Variants in TMEM245 observed in about 807,000 individuals in gnomAD.
TMEM245 encodes the protein protein CG-2.
TMEM245 carries 69 observed loss-of-function variants against 101.2 expected under a neutral mutation model. The observed-to-expected ratio is 0.68, with a 90% confidence interval of 0.56 to 0.83. The LOEUF is 0.83. TMEM245 is among the 40% of genes least tolerant of loss of function. The pLI, the probability that TMEM245 is intolerant of heterozygous loss-of-function variation, is 0.00. For synonymous variants in TMEM245, 537 were observed against 449.8 expected (o/e 1.19, Z -2.45); for missense variants, 1,075 against 1,092.8 (o/e 0.98, Z 0.23).
intron 16 of TMEM245, among the ~76,000 whole-genome samples, chr9:109,034,581 G>A (rs1189212946): frequency 6.6e-6 from 1 of 151,914 alleles, no homozygotes; most frequent in Non-Finnish European, 1.5e-5. Flanking sequence ...TGAGTAGCTG[G>A]GACTACAGGC....
At chr9:109,078,962 G>A (rs1829595027) in intron 8 of TMEM245, among the ~76,000 whole-genome samples, 1 of 152,114 alleles carries the variant, frequency 6.6e-6, no homozygotes, top group African/African-American at 2.4e-5. Flanking sequence ...CAAAAGCACA[G>A]GCAACAAAGG....
intron 11 of TMEM245, among the ~76,000 whole-genome samples, chr9:109,058,550 A>T (rs2132426578): frequency 6.6e-6 from 1 of 152,252 alleles, no homozygotes; most frequent in South Asian, 2.1e-4. Context: ...CAGGCAACAT[A>T]GTGAGATCCT....
At chr9:109,093,781 T>C (rs932374865) in intron 3 of TMEM245, among the ~76,000 whole-genome samples, 190 bp from the exon 4 acceptor site, 15 of 152,212 alleles carry the variant, frequency 9.9e-5, no homozygotes, top group Admixed American at 9.8e-4. Flanking sequence ...GCAAATCCCT[T>C]GACTCTCTGT....
intron 8 of TMEM245, among the ~76,000 whole-genome samples, chr9:109,075,684 G>T (rs1829477473): frequency 6.6e-6 from 1 of 152,188 alleles, no homozygotes; most frequent in African/African-American, 2.4e-5. Context: ...CGTGACATAT[G>T]CAGAGATGTT....
chr9:109,027,494 G>C (rs1399928612), intron 17 of TMEM245, among the ~76,000 whole-genome samples: 1 of 152,190 alleles, frequency 6.6e-6, no homozygotes, highest in African/African-American at 2.4e-5. Context: ...CTGGCTCCCA[G>C]GAGGCTGGCA....
intron 11 of TMEM245, among the ~76,000 whole-genome samples, chr9:109,058,142 G>C (rs548608594): frequency 6.6e-6 from 1 of 150,424 alleles, no homozygotes; most frequent in Non-Finnish European, 1.5e-5. Flanking sequence ...CTGTGACTAC[G>C]GGCGCCTGCC....
intron 3 of TMEM245, among the ~76,000 whole-genome samples, chr9:109,093,864 A>G (rs770212833): frequency 6.6e-6 from 1 of 152,184 alleles, no homozygotes; most frequent in African/African-American, 2.4e-5. Flanking sequence ...GGAGTCCCAC[A>G]CTTACATTTG....
At chr9:109,119,038 CCT>C (rs1279784081) in intron 1 of TMEM245, among the ~76,000 whole-genome samples, 7 of 152,218 alleles carry the variant, frequency 4.6e-5, no homozygotes, top group Admixed American at 4.6e-4. Flanking sequence ...TGCTCTGAGG[CCT>C]CTCTCTGCAA....
At chr9:109,089,661 T>TG (rs1244132225) in intron 5 of TMEM245, among the ~76,000 whole-genome samples, 2 of 152,188 alleles carry the variant, frequency 1.3e-5, no homozygotes, top group Non-Finnish European at 2.9e-5. Flanking sequence ...GTTTCTACAA[T>TG]GCACCTGTCA....
At chr9:109,053,827 G>A (rs186419858) in intron 12 of TMEM245, among the ~76,000 whole-genome samples, 1 of 152,356 alleles carries the variant, frequency 6.6e-6, no homozygotes, top group Non-Finnish European at 1.5e-5. Flanking sequence ...TTGCAGGAAT[G>A]CAGAGGTCTA....
chr9:109,023,795 C>T (rs2132274884), intron 17 of TMEM245, among the ~76,000 whole-genome samples: 1 of 149,176 alleles, frequency 6.7e-6, no homozygotes, highest in East Asian at 2.0e-4. Context: ...CAGATCGCGC[C>T]ACTGCACTCC....
At chr9:109,084,934 A>C (rs926771639) in intron 7 of TMEM245, among the ~76,000 whole-genome samples, 14 of 152,170 alleles carry the variant, frequency 9.2e-5, no homozygotes, top group Non-Finnish European at 1.6e-4. Context: ...ACAGAAAAAA[A>C]TGAAATCCTA....
chr9:109,059,183 C>T (rs143134100), intron 11 of TMEM245, among the ~76,000 whole-genome samples: 191 of 152,252 alleles, frequency 1.3e-3, no homozygotes, highest in African/African-American at 4.3e-3. Context: ...GGGATCAAAT[C>T]TATGATACTC....
chr9:109,038,111 C>A lies in TMEM245; in HGVS notation c.2130G>T (p.Val710=). ...GQSVEEAIRG[V]FDASLKMAGF... is the part of the protein sequence containing the mutation. ...CAGCCATTTTGAGGGAAGCATCAAA[C>A]ACCCCTCTGGAATGCCCAAAGATAA... The change falls in exon 15 of 18, where the codon GTG becomes GTT. Residue 710 remains valine, a synonymous_variant. Transcript: ENST00000374586. The A allele has an allele frequency of 6.2e-7, 1 of 1,612,408 alleles. No homozygotes were observed.
intron 8 of TMEM245, among the ~76,000 whole-genome samples, chr9:109,079,550 G>C (rs1483994577): frequency 1.3e-5 from 2 of 152,116 alleles, no homozygotes; most frequent in Non-Finnish European, 2.9e-5. Flanking sequence ...GAATGAATTA[G>C]ATAACCAATA....
intron 3 of TMEM245, among the ~76,000 whole-genome samples, chr9:109,099,925 G>A (rs769920068): frequency 2.0e-5 from 3 of 152,112 alleles, no homozygotes; most frequent in African/African-American, 4.8e-5. Context: ...TCTCTTGCTC[G>A]CCCTTGTACC....
intron 14 of TMEM245, among the ~76,000 whole-genome samples, chr9:109,044,577 G>T (rs1588029476): frequency 6.6e-6 from 1 of 152,056 alleles, no homozygotes; most frequent in Non-Finnish European, 1.5e-5. Flanking sequence ...GTGAGCTGGT[G>T]GGAGAGACCA....
rs1830488329 is a variant in TMEM245, at chr9:109,108,511, A to G, written c.639T>C (p.Thr213=). ...TTGAAACTGCTCTCAAGTAGCGTTC[A>G]GTGCTTGCATTCCACTTGAATGAAA... The part of the protein sequence containing the change: ...LTVSFKWNAS[T]ERYLRAVSIP... Residue 213 remains threonine, a synonymous_variant, in exon 2 of 18, where the codon ACT becomes ACC. Transcript: ENST00000374586. 6.2e-7 allele frequency: 1 copy of G among 1,609,932 alleles called. No homozygotes were observed. Among genetic ancestry groups the G allele is most frequent in the East Asian group, 2.2e-5 (1 of 44,732 alleles).
chr9:109,097,163 G>C (rs1449824932), intron 3 of TMEM245, among the ~76,000 whole-genome samples: 1 of 152,168 alleles, frequency 6.6e-6, no homozygotes, highest in Non-Finnish European at 1.5e-5. Context: ...ACAAAAGTAA[G>C]CTAGATAAAG....
Sources: allele counts gnomAD v4.1 joint callset (sites outside exome capture counted in the v4.1 genomes callset), GRCh38; gene constraint gnomAD v4.1.1; transcripts MANE v1.5; gene names NCBI Gene and HGNC (gene_info 2026-07-23, HGNC 2026-07-21).